The following CSMD3 variants were observed in gnomAD, a reference collection of about 807,000 sequenced individuals.
CSMD3 encodes the protein CUB and sushi domain-containing protein 3.
CSMD3 carries 177 observed loss-of-function variants against 435.2 expected under a neutral mutation model. That is an observed-to-expected ratio of 0.41 (90% CI 0.36 to 0.46). The LOEUF is 0.46. CSMD3 is among the 20% of genes least tolerant of loss of function. The pLI is 0.34. For missense variants in CSMD3, 4,265 were observed against 4,504.6 expected, an observed-to-expected ratio of 0.95 and a Z score of 1.52; for synonymous variants, 1,656 against 1,520.5, an observed-to-expected ratio of 1.09 and a Z score of -2.07.
intron 5 of CSMD3, among the ~76,000 whole-genome samples, chr8:113,090,127 T>C (rs2089953036): frequency 1.3e-5 from 2 of 152,140 alleles, no homozygotes; most frequent in South Asian, 4.1e-4. Context: ...ATGAATTGGC[T>C]ACTTATTTTT....
At chr8:113,040,127 C>G (rs1468426735) in intron 5 of CSMD3, among the ~76,000 whole-genome samples, 1 of 152,008 alleles carries the variant, frequency 6.6e-6, no homozygotes, top group Non-Finnish European at 1.5e-5. Context: ...GATAATGGTC[C>G]TATTAGCAGA....
intron 32 of CSMD3, among the ~76,000 whole-genome samples, chr8:112,451,217 G>A (rs1397124804): frequency 2.0e-5 from 3 of 151,928 alleles, no homozygotes; most frequent in African/African-American, 7.3e-5. Flanking sequence ...AAAGCACAAA[G>A]GTTAACAGTA....
At chr8:112,580,403 G>T (rs945969359) in intron 23 of CSMD3, among the ~76,000 whole-genome samples, 1 of 151,944 alleles carries the variant, frequency 6.6e-6, no homozygotes, top group African/African-American at 2.4e-5. Flanking sequence ...AGGTTTCTTA[G>T]ACAGGACCTT....
Position 113,195,685 on chromosome 8 carries a change from G to A in CSMD3, c.515-21769C>T, listed in dbSNP as rs552896285. On this transcript the variant is annotated intron_variant, in intron 3 of 70. Transcript: ENST00000297405. ...AGAAAGAACCTAATGGTGCGTAAAA[G>A]TTACATAAATATATAGATAGGTATT... 7.4e-5 allele frequency among the ~76,000 whole-genome samples: 11 copies of A among 149,238 alleles called. No homozygotes were observed. In the South Asian group the frequency reaches 2.3e-3, roughly 31 times the overall value.
chr8:112,858,057 T>C (rs2080715766), intron 11 of CSMD3, among the ~76,000 whole-genome samples: 1 of 151,720 alleles, frequency 6.6e-6, no homozygotes, highest in African/African-American at 2.4e-5. Context: ...GGCTCTTCTA[T>C]GAGACAAATC....
intron 1 of CSMD3, among the ~76,000 whole-genome samples, chr8:113,420,427 A>T (rs1169151571): frequency 6.6e-6 from 1 of 152,094 alleles, no homozygotes; most frequent in African/African-American, 2.4e-5. Flanking sequence ...TAAGACAGAT[A>T]AAAAAATACA....
chr8:112,398,883 A>G (rs933368043), intron 35 of CSMD3, among the ~76,000 whole-genome samples: 1 of 151,710 alleles, frequency 6.6e-6, no homozygotes, highest in African/African-American at 2.4e-5. Context: ...TTGTGAGTTC[A>G]TACTAATCTT....
At chr8:112,658,178 A>C (rs985013962) in intron 17 of CSMD3, among the ~76,000 whole-genome samples, 1 of 152,148 alleles carries the variant, frequency 6.6e-6, no homozygotes, top group Non-Finnish European at 1.5e-5. Context: ...CTCCAGTTTT[A>C]TCTCCAGTAC....
chr8:112,232,567 C>T (rs563395829), intron 68 of CSMD3, among the ~76,000 whole-genome samples: 1 of 152,090 alleles, frequency 6.6e-6, no homozygotes, highest in Non-Finnish European at 1.5e-5. Context: ...TGAGATCATG[C>T]CACTGCACTC....
intron 4 of CSMD3, among the ~76,000 whole-genome samples, chr8:113,116,269 CA>C (rs1204158134): frequency 2.0e-5 from 3 of 152,120 alleles, no homozygotes; most frequent in Non-Finnish European, 4.4e-5. Flanking sequence ...ATCATAGGGG[CA>C]GTTTCTCCAC....
intron 5 of CSMD3, among the ~76,000 whole-genome samples, chr8:113,023,408 C>G (rs1426113077): frequency 1.3e-5 from 2 of 152,060 alleles, no homozygotes; most frequent in African/African-American, 4.8e-5. Context: ...CTCTCTCTCT[C>G]TCCCTCTCTC....
intron 7 of CSMD3, among the ~76,000 whole-genome samples, chr8:112,970,111 T>G (rs1381796132): frequency 6.6e-6 from 1 of 151,976 alleles, no homozygotes; most frequent in Admixed American, 6.6e-5. Flanking sequence ...CTAGATAATT[T>G]GTAAGTTCCC....
intron 4 of CSMD3, among the ~76,000 whole-genome samples, chr8:113,157,660 G>A (rs962779680): frequency 1.3e-5 from 2 of 152,028 alleles, no homozygotes; most frequent in Non-Finnish European, 1.5e-5. Context: ...CATTTTATAC[G>A]ATTTCTATGT....
At chr8:113,384,889 C>T (rs1007768461) in intron 1 of CSMD3, among the ~76,000 whole-genome samples, 1 of 152,028 alleles carries the variant, frequency 6.6e-6, no homozygotes, top group Non-Finnish European at 1.5e-5. Flanking sequence ...AGCCTGGGCA[C>T]CCAAAACAGA....
chr8:112,422,920 G>A (rs761484569), intron 32 of CSMD3, among the ~76,000 whole-genome samples: 1 of 152,108 alleles, frequency 6.6e-6, no homozygotes, highest in Non-Finnish European at 1.5e-5. Flanking sequence ...GTGGGAAGAG[G>A]TTTTATCAGT....
intron 10 of CSMD3, among the ~76,000 whole-genome samples, chr8:112,863,869 G>A (rs1469677165): frequency 6.6e-6 from 1 of 151,346 alleles, no homozygotes. Context: ...AGTAGAAAAA[G>A]AAAAAAAACC....
At chr8:113,422,748 G>A (rs564199330) in intron 1 of CSMD3, among the ~76,000 whole-genome samples, 1 of 151,942 alleles carries the variant, frequency 6.6e-6, no homozygotes, top group African/African-American at 2.4e-5. Flanking sequence ...GTAAGAGAGA[G>A]ACGAAAAAAA....
intron 9 of CSMD3, among the ~76,000 whole-genome samples, chr8:112,946,178 T>C (rs190715080): frequency 2.0e-5 from 3 of 151,980 alleles, no homozygotes; most frequent in Non-Finnish European, 2.9e-5. Context: ...ATCAGTAATA[T>C]TGTACATGTT....
intron 3 of CSMD3, among the ~76,000 whole-genome samples, chr8:113,273,042 G>GT (rs2093541737): frequency 6.6e-6 from 1 of 151,914 alleles, no homozygotes; most frequent in African/African-American, 2.4e-5. Flanking sequence ...GAAGATAAAT[G>GT]TTTGAGGTGA....
Sources: gnomAD v4.1 joint callset for allele counts (sites outside exome capture counted in the v4.1 genomes callset) on GRCh38, gnomAD v4.1.1 for gene constraint, MANE v1.5 for transcripts, NCBI Gene and HGNC (gene_info 2026-07-23, HGNC 2026-07-21) for gene names.